EXOC6B: variants seen among roughly 807,000 people sequenced by gnomAD.
The protein encoded by EXOC6B is exocyst complex component 6B.
In EXOC6B, 54 loss-of-function variants were observed where a neutral mutation model predicts 113.5. The observed-to-expected ratio is 0.48, with a 90% CI of 0.38 to 0.60. EXOC6B has a LOEUF of 0.60. EXOC6B is among the 20% of genes least tolerant of loss of function. The pLI is 0.00. For synonymous variants in EXOC6B, 357 were observed against 339.0 expected (o/e 1.05, Z -0.58); for missense variants, 797 against 977.5 (o/e 0.82, Z 2.46).
chr2:72,769,046 A>C (rs1683264333), intron 1 of EXOC6B, among the ~76,000 whole-genome samples: 1 of 152,226 alleles, frequency 6.6e-6, no homozygotes, highest in Non-Finnish European at 1.5e-5. Flanking sequence ...TGGCTACAGA[A>C]AAATGTGAAT....
intron 6 of EXOC6B, among the ~76,000 whole-genome samples, chr2:72,676,704 G>C (rs1282637387): frequency 6.6e-6 from 1 of 152,076 alleles, no homozygotes; most frequent in African/African-American, 2.4e-5. Flanking sequence ...TAAGATTAAC[G>C]AGTCTAGTGG....
At chr2:72,628,775 G>A (rs1369388943) in intron 6 of EXOC6B, among the ~76,000 whole-genome samples, 4 of 152,106 alleles carry the variant, frequency 2.6e-5, no homozygotes, top group Non-Finnish European at 4.4e-5. Context: ...CCAGAACTGT[G>A]AGCAATACAT....
chr2:72,376,184 T>C (rs2105048248), intron 19 of EXOC6B, among the ~76,000 whole-genome samples: 1 of 152,316 alleles, frequency 6.6e-6, no homozygotes, highest in East Asian at 1.9e-4. Flanking sequence ...TAGATCTGGG[T>C]TGACATATAC....
At chr2:72,229,496 A>G (rs140668740) in intron 20 of EXOC6B, among the ~76,000 whole-genome samples, 32 of 152,336 alleles carry the variant, frequency 2.1e-4, no homozygotes, top group African/African-American at 7.7e-4. Flanking sequence ...ACAATAAGCA[A>G]GACACCTCTT....
intron 20 of EXOC6B, among the ~76,000 whole-genome samples, chr2:72,287,724 AC>A (rs904937146): frequency 1.3e-5 from 2 of 152,090 alleles, no homozygotes; most frequent in Non-Finnish European, 2.9e-5. Flanking sequence ...CCTAGAAAAC[AC>A]AATTTACCAA....
At chr2:72,669,581 A>T (rs888359062) in intron 6 of EXOC6B, among the ~76,000 whole-genome samples, 2 of 152,266 alleles carry the variant, frequency 1.3e-5, no homozygotes, top group African/African-American at 4.8e-5. Context: ...TTTCCTAATT[A>T]TTCATAAAAT....
chr2:72,419,334 A>G (rs1034319674), intron 18 of EXOC6B, among the ~76,000 whole-genome samples: 4 of 152,228 alleles, frequency 2.6e-5, no homozygotes, highest in Admixed American at 6.5e-5. Context: ...AAGCAGAGTT[A>G]CAACTTCTCA....
intron 20 of EXOC6B, among the ~76,000 whole-genome samples, chr2:72,258,934 T>C (rs1363761389): frequency 6.6e-6 from 1 of 152,218 alleles, no homozygotes; most frequent in Non-Finnish European, 1.5e-5. Context: ...CATTTTACTA[T>C]ATTTTATCAT....
At chr2:72,754,557 C>T (rs888166557) in intron 1 of EXOC6B, among the ~76,000 whole-genome samples, 2 of 151,600 alleles carry the variant, frequency 1.3e-5, no homozygotes, top group Non-Finnish European at 2.9e-5. Context: ...ATAACAGTCT[C>T]TTGCAGCATG....
chr2:72,350,338 T>C (rs1042187949), intron 19 of EXOC6B, among the ~76,000 whole-genome samples: 6 of 152,216 alleles, frequency 3.9e-5, no homozygotes, highest in Non-Finnish European at 5.9e-5. Flanking sequence ...GATTCGTTGA[T>C]AACTTTTCCC....
chr2:72,576,878 T>C (rs1165588092), intron 6 of EXOC6B, among the ~76,000 whole-genome samples: 2 of 152,102 alleles, frequency 1.3e-5, no homozygotes, highest in Non-Finnish European at 2.9e-5. Flanking sequence ...TCTGAAAGTA[T>C]ACATTTCTTA....
intron 6 of EXOC6B, among the ~76,000 whole-genome samples, chr2:72,578,205 C>A (rs1573428191): frequency 6.6e-6 from 1 of 152,032 alleles, no homozygotes; most frequent in African/African-American, 2.4e-5. Context: ...AATCCCCCTA[C>A]CTAATACAGC....
chr2:72,443,262 G>A (rs1696334098), intron 18 of EXOC6B, among the ~76,000 whole-genome samples: 1 of 150,804 alleles, frequency 6.6e-6, no homozygotes, highest in African/African-American at 2.4e-5. Flanking sequence ...GGCACAGGTT[G>A]CAGTGAGCCA....
intron 1 of EXOC6B, among the ~76,000 whole-genome samples, chr2:72,789,258 G>A (rs1268574326): frequency 6.6e-6 from 1 of 152,196 alleles, no homozygotes; most frequent in Non-Finnish European, 1.5e-5. Context: ...GTCCCACCCA[G>A]ATTGCCAATC....
At chr2:72,806,639 A>C (rs530885602) in intron 1 of EXOC6B, among the ~76,000 whole-genome samples, 10 of 152,330 alleles carry the variant, frequency 6.6e-5, no homozygotes, top group Admixed American at 5.9e-4. Context: ...TCTAATTTAC[A>C]TTCCCACCAG....
At chr2:72,698,415 G>A (rs936799331) in intron 6 of EXOC6B, among the ~76,000 whole-genome samples, 6 of 152,160 alleles carry the variant, frequency 3.9e-5, no homozygotes, top group Admixed American at 3.9e-4. Context: ...TGTAAAGAAG[G>A]AGGTAAACTC....
At chr2:72,225,791 C>A (rs952251409) in intron 20 of EXOC6B, among the ~76,000 whole-genome samples, 1 of 152,090 alleles carries the variant, frequency 6.6e-6, no homozygotes, top group Non-Finnish European at 1.5e-5. Flanking sequence ...TATTTCTTAT[C>A]CATATATAAA....
intron 6 of EXOC6B, among the ~76,000 whole-genome samples, chr2:72,618,490 T>C (rs1367589270): frequency 6.6e-6 from 1 of 152,210 alleles, no homozygotes. Context: ...ATACCCTTCT[T>C]CAATGACTCC....
chr2:72,330,035 C>A (rs1480315894), intron 20 of EXOC6B, among the ~76,000 whole-genome samples: 1 of 152,018 alleles, frequency 6.6e-6, no homozygotes, highest in Non-Finnish European at 1.5e-5. Context: ...TCGTTGCCAG[C>A]AAGCTCCATT....
Sources: allele counts gnomAD v4.1 joint callset (sites outside exome capture counted in the v4.1 genomes callset), GRCh38; gene constraint gnomAD v4.1.1; transcripts MANE v1.5; gene names NCBI Gene and HGNC (gene_info 2026-07-23, HGNC 2026-07-21).